EML3: variants seen among roughly 807,000 people sequenced by gnomAD.
The protein encoded by EML3 is EMAP like 3.
Under a neutral mutation model 106.7 loss-of-function variants are expected in EML3, and 53 were observed. That is an observed-to-expected ratio of 0.50 (90% CI 0.40 to 0.62). The LOEUF is 0.62. Among genes scored for constraint, EML3 ranks in the 20% least tolerant of loss-of-function variants. The pLI is 0.00. For missense variants in EML3, 994 were observed against 1,209.1 expected, an observed-to-expected ratio of 0.82 and a Z score of 2.64; for synonymous variants, 499 against 489.6, an observed-to-expected ratio of 1.02 and a Z score of -0.25.
In EML3 at chr11:62,606,354, C is replaced by A. The variant is rs1942519127; in HGVS notation, c.1505-140G>T. On this transcript the variant is annotated intron_variant, in intron 12 of 21. Transcript: ENST00000394773. ...CTATGTCTCATCCTCATACTGCCAA[C>A]ACATCTGTTATTCTCCCCATTTTAC... The A allele has an allele frequency of 3.1e-6, 3 of 971,552 alleles. No homozygotes were observed. In the East Asian group the frequency reaches 8.0e-5, roughly 26 times the overall value. 60.2% of individuals were successfully genotyped at this position (971,552 alleles called of 1,614,324 possible).
In EML3 at chr11:62,611,348, C is replaced by T. The variant is rs1942811877; in HGVS notation, c.195-4G>A. The T allele has an allele frequency of 1.2e-6, 2 of 1,613,130 alleles. No homozygotes were observed. The highest frequency in any genetic ancestry group is 3.3e-5 in the Admixed American group (2 of 59,958). ...CAGTCCTGGGGGGGCTGCAAGACTG[C>T]TGGAGAGATGTTGAATTAACCTGAA... On this transcript the variant is annotated splice_polypyrimidine_tract_variant and splice_region_variant and intron_variant, in intron 2 of 21. Transcript: ENST00000394773.
rs991665197 is a variant in EML3 at position 62,605,312 on chromosome 11, G to A, written c.1915-132C>T. ...ATGGGAAGAGAGGGAAGGGATACCC[G>A]GGTATCACTGGAGCCTGAACAGGGA... is the stretch of plus-strand genomic sequence containing the variant. On this transcript the variant is annotated intron_variant, in intron 15 of 21. Transcript: ENST00000394773. The surrounding 1 kb of genome is among the most constrained non-coding windows in gnomAD (Gnocchi z 5.2). 25 of 881,120 alleles carry A rather than the reference G, an allele frequency of 2.8e-5. No individual in the cohort carries two copies. The highest frequency in any genetic ancestry group is 1.0e-4 in the African/African-American group (6 of 58,624). 54.6% of individuals were successfully genotyped at this position (881,120 alleles called of 1,614,324 possible).
At chr11:62,606,574 T>C (rs1356599007) in intron 12 of EML3, among the ~76,000 whole-genome samples, 1 of 152,240 alleles carries the variant, frequency 6.6e-6, no homozygotes, top group East Asian at 1.9e-4. Flanking sequence ...GTGGGAAACC[T>C]GGCTGGGCGC....
chr11:62,607,015 G>A lies in EML3; in HGVS notation c.1447C>T (p.Leu483Phe). The A allele has an allele frequency of 6.2e-7, 1 of 1,614,180 alleles. No homozygotes were observed. The highest frequency in any genetic ancestry group is 1.3e-5 in the African/African-American group (1 of 75,064). The change falls in exon 12 of 22, where the codon CTC becomes TTC. Residue 483 changes from leucine to phenylalanine, a missense_variant. Leu to Phe is a conservative substitution (Grantham distance 22). Around this residue, in one of 3 missense-constraint regions of EML3, gnomAD observed 713 missense variants for 920.5 expected, o/e 0.77. Transcript: ENST00000394773. ...ILTGDSEGNI[L>F]TWGRSPSDSK... ...TCTGAAGGGCTCCGCCCCCAGGTGA[G>A]AATGTTCCCCTCTGAGTCTCCAGTG...
intron 11 of EML3, 60 bp downstream of exon 11, chr11:62,607,606 G>A: frequency 1.9e-6 from 3 of 1,568,374 alleles, no homozygotes; most frequent in Non-Finnish European, 2.6e-6. Context: ...ATAGTACTCA[G>A]CCCAGTGCTT....
At chr11:62,608,088 C>A in intron 10 of EML3, 113 bp downstream of exon 10, 1 of 1,073,834 alleles carries the variant, frequency 9.3e-7, no homozygotes, top group Non-Finnish European at 1.4e-6. Flanking sequence ...GAGATTTGCC[C>A]CATGTGACCC....
Position 62,611,269 on chromosome 11 carries a change from C to T in EML3, c.270G>A (p.Glu90=). ...GTCCAGGGGATGACTTGAGCTCCAC[C>T]TCTGTCTCCGTCTGGGTGCCTCGGC... The part of the protein sequence containing the change: ...LVSRGTQTET[E]VELKSSPGPP... The change falls in exon 3 of 22, where the codon GAG becomes GAA. Residue 90 remains glutamate (E), a synonymous_variant. Coordinates refer to ENST00000394773, the MANE Select transcript of EML3 (RefSeq NM_153265.3). 1 of 1,612,862 alleles carries T rather than the reference C, an allele frequency of 6.2e-7. No individual in the cohort carries two copies. Among genetic ancestry groups the T allele is most frequent in the South Asian group, 1.1e-5 (1 of 91,082 alleles).
Position 62,604,167 on chromosome 11 carries a change from C to T in EML3, c.2017G>A (p.Val673Met), listed in dbSNP as rs551291197. 22 of 1,613,834 alleles carry T rather than the reference C, an allele frequency of 1.4e-5. No individual in the cohort carries two copies. Among genetic ancestry groups the T allele is most frequent in the African/African-American group, 5.3e-5 (4 of 74,934 alleles). The change falls in exon 17 of 22, where the codon GTG (valine) becomes ATG (methionine). Residue 673 changes from valine to methionine, a missense_variant. By Grantham distance (21) the Val-to-Met change is conservative. This residue lies in a region of EML3 where 713 missense variants were observed against 920.5 expected (regional missense o/e 0.77). Coordinates refer to ENST00000394773, the MANE Select transcript of EML3 (RefSeq NM_153265.3). The stretch of plus-strand genomic sequence containing the variant: ...TCATTGCCATCAATGACATCAGACA[C>T]GATCTCTCTGGTCTCTGTGTCCAAA... ...LVLDTETREI[V>M]SDVIDGNEQL...
intron 11 of EML3, 57 bp downstream of exon 11, chr11:62,607,609 C>T: frequency 6.3e-7 from 1 of 1,575,488 alleles, no homozygotes; most frequent in South Asian, 1.2e-5. Context: ...GTACTCAGCC[C>T]AGTGCTTCCT....
At chr11:62,602,940 G>A (rs1412877170) in intron 20 of EML3, 51 bp from the exon 21 acceptor site, 1 of 1,490,374 alleles carries the variant, frequency 6.7e-7, no homozygotes, top group Non-Finnish European at 8.9e-7. Flanking sequence ...GCCACCCACG[G>A]CCCAGAGCTA....
rs1308085194 is a variant in EML3 at position 62,610,987 on chromosome 11, C to A, written c.458G>T (p.Arg153Leu). The change falls in exon 4 of 22, where the codon CGA becomes CTA. Residue 153 changes from arginine (R) to leucine (L), a missense_variant. Around this residue, in one of 3 missense-constraint regions of EML3, gnomAD observed 269 missense variants for 265.1 expected, o/e 1.01. Transcript: ENST00000394773. Reference protein sequence around the residue: ...LQPPQRADTPRRNSSSSSSPS... With the variant: ...LQPPQRADTPLRNSSSSSSPS... The stretch of plus-strand genomic sequence containing the variant: ...GGATGAGGAGGAGGAAGAATTTCTT[C>A]GCGGCCTGGTGGGGGCATAGTGAAG... 3 of 1,613,192 alleles carry A rather than the reference C, an allele frequency of 1.9e-6. No individual in the cohort carries two copies. In the African/African-American group the frequency reaches 4.0e-5, roughly 22 times the overall value.
At position 62,611,314 on chromosome 11, in the gene EML3, C is replaced by T. The variant is rs1333532866; in HGVS notation, c.225G>A (p.Thr75=). Residue 75 remains threonine, a synonymous_variant, in exon 3 of 22, where the codon ACG becomes ACA. Transcript: ENST00000394773. Reference sequence around the variant, plus strand: ...CTCGGCTCACCAAGGAAGGGGTGCACGTGGGTGGCAGTCCTGGGGGGGCTG... The same window carrying T: ...CTCGGCTCACCAAGGAAGGGGTGCATGTGGGTGGCAGTCCTGGGGGGGCTG... ...SLAAPPGLPP[T]CTPSLVSRGT... is the part of the protein sequence containing the mutation. 5 of 1,612,794 alleles carry T rather than the reference C, an allele frequency of 3.1e-6. No homozygotes were observed. The highest frequency in any genetic ancestry group is 2.5e-6 in the Non-Finnish European group (3 of 1,179,848).
chr11:62,609,158 A>G, intron 6 of EML3, 26 bp from the exon 7 acceptor site: 1 of 1,610,530 alleles, frequency 6.2e-7, no homozygotes. Flanking sequence ...CGGTCAAGGA[A>G]AGGGTTAGAT....
rs574144942 is a variant in EML3, at chr11:62,609,803, T to C, written c.567-107A>G. 21 of 957,574 alleles carry C rather than the reference T, an allele frequency of 2.2e-5. No individual in the cohort carries two copies. The African/African-American group carries it at 2.8e-4, about 13-fold the overall frequency. 59.3% of individuals were successfully genotyped at this position (957,574 alleles called of 1,614,324 possible). A position where few individuals can be genotyped will look rare whatever the true frequency, so the allele number is the denominator to read the frequency against. On this transcript the variant is annotated intron_variant, in intron 4 of 21. Transcript: ENST00000394773. ...TCACTGCAGAAACCACAGTCACTTC[T>C]GCAAGCCTGTAGTTTGCTTCGTGAG...
intron 9 of EML3, 88 bp downstream of exon 9, chr11:62,608,453 AG>A: frequency 1.4e-6 from 2 of 1,445,896 alleles, no homozygotes; most frequent in South Asian, 2.3e-5. Flanking sequence ...GGGTTCAGGA[AG>A]GCCAGAACTT....
chr11:62,606,815 C>G, intron 12 of EML3, 143 bp downstream of exon 12: 2 of 911,700 alleles, frequency 2.2e-6, no homozygotes, highest in Non-Finnish European at 3.1e-6. Flanking sequence ...CAAGATCGCG[C>G]CACTGCAATC....
chr11:62,608,993 G>A lies in EML3; in HGVS notation c.898C>T (p.His300Tyr), dbSNP rs1942674815. 2.5e-6 allele frequency: 4 copies of A among 1,613,920 alleles called. No homozygotes were observed. ...PGGPGGGGQR[H>Y]YRGHTDCVRC... ...ACGCAGTCTGTGTGCCCCCGGTAAT[G>A]TCTCTGGCCGCCACCTCCAGGACCC... The change falls in exon 7 of 22, where the codon CAT (histidine) becomes TAT (tyrosine). Residue 300 changes from histidine (H) to tyrosine (Y), a missense_variant. By Grantham distance (83) the His-to-Tyr change is moderately conservative (BLOSUM62 2). Coordinates refer to ENST00000394773, the MANE Select transcript of EML3 (RefSeq NM_153265.3).
rs1441887163 is a variant in EML3, at chr11:62,609,069, G to A, written c.822C>T (p.Val274=). The A allele has an allele frequency of 4.3e-6, 7 of 1,614,086 alleles. No homozygotes were observed. The East Asian group carries it at 1.3e-4, about 31-fold the overall frequency. The change falls in exon 7 of 22, where the codon GTC becomes GTT. Residue 274 remains valine (V), a synonymous_variant. Coordinates refer to ENST00000394773, the MANE Select transcript of EML3 (RefSeq NM_153265.3). ...GCACCACCACACAGGCGATAAAGTA[G>A]ACCACCTCCCCAGAGCGCAACACAA... is the stretch of plus-strand genomic sequence containing the variant. ...NLFVLRSGEV[V]YFIACVVVLY...
At position 62,602,522 on chromosome 11, in the gene EML3, G is replaced by C. The variant is rs1427599796; in HGVS notation, c.2644C>G (p.Pro882Ala). The change falls in exon 22 of 22, where the codon CCC (proline) becomes GCC (alanine). Residue 882 changes from proline (P) to alanine (A), a missense_variant. Physicochemically the swap from Pro to Ala is conservative, Grantham distance 27. This residue lies in a region of EML3 where 713 missense variants were observed against 920.5 expected (regional missense o/e 0.77). Transcript: ENST00000394773. ...GGGGACAGGGAGGGGGTTCGAGAGG[G>C]CGTGGCGGGCGCCGGCCCCGCGCCC... is the stretch of plus-strand genomic sequence containing the variant. ...AGGAGPAPAT[P>A]SRTPSLSPAS... 2 of 1,496,746 alleles carry C rather than the reference G, an allele frequency of 1.3e-6. No individual in the cohort carries two copies. The highest frequency in any genetic ancestry group is 1.8e-4 in the Middle Eastern group (1 of 5,658). 92.7% of individuals were successfully genotyped at this position (1,496,746 alleles called of 1,614,324 possible).
Sources: allele counts gnomAD v4.1 joint callset (sites outside exome capture counted in the v4.1 genomes callset), GRCh38; gene constraint gnomAD v4.1.1; regional missense constraint gnomAD v4.1.1; non-coding constraint Gnocchi (gnomAD v3.1); transcripts MANE v1.5; gene names NCBI Gene and HGNC (gene_info 2026-07-23, HGNC 2026-07-21).